Variants in CDKAL1 observed in about 807,000 individuals in gnomAD.
CDKAL1 encodes CDKAL1 threonylcarbamoyladenosine tRNA methylthiotransferase, also known as threonylcarbamoyladenosine tRNA methylthiotransferase.
Under a neutral mutation model 68.2 loss-of-function variants are expected in CDKAL1, and 32 were observed. That is an observed-to-expected ratio of 0.47 (90% CI 0.35 to 0.63). The LOEUF (loss-of-function observed/expected upper bound fraction) is 0.63. Ranked by LOEUF, CDKAL1 falls within the 30% of genes least tolerant of loss-of-function variation. CDKAL1 has a pLI of 0.00. For synonymous variants in CDKAL1, 234 were observed against 244.3 expected (o/e 0.96, Z 0.39); for missense variants, 606 against 696.7 (o/e 0.87, Z 1.47).
chr6:20,997,202 G>C (rs58638652), intron 10 of CDKAL1, among the ~76,000 whole-genome samples: 1,634 of 152,276 alleles, frequency 0.011, 32 homozygotes, highest in African/African-American at 0.036. Flanking sequence ...GCCAGGAAGA[G>C]CTAAGTAAAC....
intron 10 of CDKAL1, among the ~76,000 whole-genome samples, chr6:20,971,344 A>T (rs6941043): frequency 0.092 from 13,978 of 152,250 alleles, 1,089 homozygotes; most frequent in African/African-American, 0.22. Flanking sequence ...TCACACCATC[A>T]GCATAGTCTT....
intron 5 of CDKAL1, among the ~76,000 whole-genome samples, chr6:20,703,204 G>A (rs1771448945): frequency 6.6e-6 from 1 of 151,944 alleles, no homozygotes; most frequent in Non-Finnish European, 1.5e-5. Flanking sequence ...ACTGGGGCTT[G>A]GCAAACAATG....
chr6:21,037,304 G>T (rs759813660), intron 11 of CDKAL1, among the ~76,000 whole-genome samples: 6 of 152,142 alleles, frequency 3.9e-5, no homozygotes, highest in Non-Finnish European at 8.8e-5. Context: ...GGAGCAGAAT[G>T]CCTTTGCATT....
At chr6:20,575,103 TA>T (rs1006110670) in intron 4 of CDKAL1, among the ~76,000 whole-genome samples, 2 of 150,996 alleles carry the variant, frequency 1.3e-5, no homozygotes, top group African/African-American at 4.9e-5. Flanking sequence ...TGGTGAAAAT[TA>T]AAAAAAAATA....
chr6:20,562,961 G>T (rs1453266267), intron 4 of CDKAL1, among the ~76,000 whole-genome samples: 1 of 152,120 alleles, frequency 6.6e-6, no homozygotes, highest in Non-Finnish European at 1.5e-5. Flanking sequence ...AAGATGTAGT[G>T]CTTATGGCTC....
In CDKAL1 at chr6:21,072,778, C is replaced by T. The variant is rs746962503; in HGVS notation, c.1236+7550C>T. Among the ~76,000 whole-genome samples, 3 of 151,214 alleles carry T rather than the reference C, an allele frequency of 2.0e-5. No individual in the cohort carries two copies. In the South Asian group the frequency reaches 6.3e-4, roughly 32 times the overall value. ...AGTTGCTATATGTTTCCTGCCCCTA[C>T]ACATGCACAGCTTTTCCCAGTACAT... On this transcript the variant is annotated intron_variant, in intron 12 of 15. Transcript: ENST00000274695.
Position 20,535,376 on chromosome 6 carries a change from C to T in CDKAL1, c.-24C>T, listed in dbSNP as rs1210575344. ...ACTCATCTTTCAAGAGGACTTTAGA[C>T]TAATTGCAGATAATTAAGGTACTGA... is the stretch of plus-strand genomic sequence containing the variant. On this transcript the variant is annotated 5_prime_UTR_variant, in exon 2 of 16. Coordinates refer to ENST00000274695, the MANE Select transcript of CDKAL1 (RefSeq NM_017774.3). 1.3e-5 allele frequency: 2 copies of T among 152,312 alleles called. No individual in the cohort carries two copies. Among genetic ancestry groups the T allele is most frequent in the Non-Finnish European group, 2.9e-5 (2 of 68,038 alleles). 9.4% of individuals were successfully genotyped at this position (152,312 alleles called of 1,614,324 possible). A position where few individuals can be genotyped will look rare whatever the true frequency, so the allele number is the denominator to read the frequency against.
At chr6:21,121,086 C>T (rs143973339) in intron 13 of CDKAL1, among the ~76,000 whole-genome samples, 83 of 152,220 alleles carry the variant, frequency 5.5e-4, no homozygotes, top group East Asian at 4.4e-3. Context: ...TGTAAGACAG[C>T]GCTTGTTTCC....
At chr6:21,106,612 C>T (rs1432772537) in intron 12 of CDKAL1, among the ~76,000 whole-genome samples, 1 of 152,130 alleles carries the variant, frequency 6.6e-6, no homozygotes, top group African/African-American at 2.4e-5. Flanking sequence ...TAAAATAATA[C>T]ACATAAAAAT....
intron 9 of CDKAL1, among the ~76,000 whole-genome samples, chr6:20,901,403 T>A (rs113643028): frequency 1.2e-4 from 18 of 151,846 alleles, no homozygotes; most frequent in Non-Finnish European, 2.2e-4. Context: ...GGCCAGGCGC[T>A]GTGGCTCACA....
chr6:20,730,949 A>G (rs922059788), intron 5 of CDKAL1, among the ~76,000 whole-genome samples: 35 of 152,140 alleles, frequency 2.3e-4, no homozygotes, highest in African/African-American at 8.0e-4. Context: ...CGATGTGAGC[A>G]AAGTTGAGGC....
At chr6:20,544,520 C>T (rs1002397482) in intron 2 of CDKAL1, among the ~76,000 whole-genome samples, 1 of 145,076 alleles carries the variant, frequency 6.9e-6, no homozygotes, top group Non-Finnish European at 1.5e-5. Context: ...GGCGTGAACC[C>T]AGGAGGCGGA....
intron 8 of CDKAL1, among the ~76,000 whole-genome samples, chr6:20,826,828 T>C (rs1200771998): frequency 9.9e-5 from 15 of 152,196 alleles, no homozygotes; most frequent in African/African-American, 3.6e-4. Flanking sequence ...GTGAGCAAAC[T>C]ACCAGTCTTG....
chr6:20,967,031 A>C (rs927884603), intron 10 of CDKAL1, among the ~76,000 whole-genome samples: 3 of 152,190 alleles, frequency 2.0e-5, no homozygotes, highest in Admixed American at 6.5e-5. Flanking sequence ...CGCAGCTTCT[A>C]ATGGTTACTG....
At chr6:20,853,475 T>G (rs911715666) in intron 9 of CDKAL1, among the ~76,000 whole-genome samples, 1 of 152,160 alleles carries the variant, frequency 6.6e-6, no homozygotes, top group Non-Finnish European at 1.5e-5. Flanking sequence ...GAAATTAATT[T>G]AAACAAATTA....
intron 6 of CDKAL1, among the ~76,000 whole-genome samples, chr6:20,741,967 CATCT>C (rs1164572775): frequency 6.6e-6 from 1 of 152,094 alleles, no homozygotes; most frequent in Non-Finnish European, 1.5e-5. Context: ...GTCTTGCCAG[CATCT>C]GTTATTTTTT....
intron 13 of CDKAL1, among the ~76,000 whole-genome samples, chr6:21,128,784 C>T (rs765088874): frequency 6.6e-6 from 1 of 152,156 alleles, no homozygotes; most frequent in Non-Finnish European, 1.5e-5. Context: ...GTATATCATT[C>T]AAGAGGAATG....
At chr6:20,632,055 T>C (rs1767696936) in intron 4 of CDKAL1, among the ~76,000 whole-genome samples, 1 of 152,240 alleles carries the variant, frequency 6.6e-6, no homozygotes, top group Non-Finnish European at 1.5e-5. Flanking sequence ...TTAAAATTGG[T>C]GTGTAACACG....
intron 13 of CDKAL1, among the ~76,000 whole-genome samples, chr6:21,176,284 A>G (rs1777568601): frequency 6.6e-6 from 1 of 152,264 alleles, no homozygotes; most frequent in African/African-American, 2.4e-5. Context: ...TTCTAAAAGA[A>G]AACATTTTTC....
Sources: gnomAD v4.1 joint callset for allele counts (sites outside exome capture counted in the v4.1 genomes callset) on GRCh38, gnomAD v4.1.1 for gene constraint, MANE v1.5 for transcripts, NCBI Gene and HGNC (gene_info 2026-07-23, HGNC 2026-07-21) for gene names.